Variants in LARP4 observed in about 807,000 individuals in gnomAD.
LARP4 encodes La ribonucleoprotein 4.
Under a neutral mutation model 92.9 loss-of-function variants are expected in LARP4, and 29 were observed. The ratio of observed to expected loss-of-function variants is 0.31; its 90% CI spans 0.23 to 0.43. The LOEUF (loss-of-function observed/expected upper bound fraction) is 0.43. LARP4 is among the 20% of genes least tolerant of loss of function. The probability of loss-of-function intolerance (pLI) is 1.00; values close to 1 mark genes in which losing one functional copy is unlikely to be tolerated. For synonymous variants in LARP4, 279 were observed against 284.1 expected, an observed-to-expected ratio of 0.98 and a Z score of 0.18; for missense variants, 732 against 860.0, an observed-to-expected ratio of 0.85 and a Z score of 1.86.
intron 13 of LARP4, among the ~76,000 whole-genome samples, chr12:50,468,885 A>G (rs1956531373): frequency 6.6e-6 from 1 of 151,918 alleles, no homozygotes; most frequent in Admixed American, 6.6e-5. Context: ...AGACTCAAAC[A>G]TAATATACTA....
chr12:50,426,181 C>T (rs1323369290), intron 1 of LARP4, among the ~76,000 whole-genome samples: 3 of 152,190 alleles, frequency 2.0e-5, no homozygotes, highest in Non-Finnish European at 4.4e-5. Context: ...AGGCTGCTGT[C>T]TCCTTCCCAC....
intron 10 of LARP4, among the ~76,000 whole-genome samples, chr12:50,459,171 G>A (rs1954870491): frequency 1.3e-5 from 2 of 152,036 alleles, no homozygotes; most frequent in Non-Finnish European, 2.9e-5. Context: ...GCTAATTTTT[G>A]TATTTTTAGT....
At chr12:50,422,833 T>TA (rs1235400588) in intron 1 of LARP4, among the ~76,000 whole-genome samples, 2 of 146,156 alleles carry the variant, frequency 1.4e-5, no homozygotes, top group Non-Finnish European at 3.0e-5. Flanking sequence ...TTATTATTAT[T>TA]TTTGAGACGA....
intron 8 of LARP4, among the ~76,000 whole-genome samples, chr12:50,451,876 T>C (rs754769624): frequency 5.3e-5 from 8 of 151,894 alleles, no homozygotes; most frequent in Non-Finnish European, 1.2e-4. Context: ...TGTTGGTGGG[T>C]GCCTCTAATC....
chr12:50,422,495 A>T (rs544786333), intron 1 of LARP4, among the ~76,000 whole-genome samples: 1 of 152,240 alleles, frequency 6.6e-6, no homozygotes, highest in South Asian at 2.1e-4. Context: ...AAATCTTAAA[A>T]TATTTGATGT....
rs1193076150 is a variant in LARP4 at position 50,446,427 on chromosome 12, ATATT to A, written c.804+4786_804+4789del. The stretch of plus-strand genomic sequence containing the variant: ...TCTCTCTCTATATATATATATATAT[ATATT>A]TTTTTTTTTTTTTATAGACGGAGTC... On this transcript the variant is annotated intron_variant, in intron 8 of 15. Coordinates refer to ENST00000398473, the MANE Select transcript of LARP4 (RefSeq NM_052879.5). 1.3e-3 allele frequency among the ~76,000 whole-genome samples: 13 copies of A among 10,368 alleles called. 2 individuals are homozygous for A. In the South Asian group the frequency reaches 0.019, roughly 15 times the overall value. The allele number at this position is 10,368 out of a possible 152,430, so 6.8% of individuals were successfully genotyped here.
chr12:50,463,944 T>C (rs1250171961), intron 12 of LARP4, among the ~76,000 whole-genome samples: 1 of 152,146 alleles, frequency 6.6e-6, no homozygotes, highest in Non-Finnish European at 1.5e-5. Context: ...ATAAGTTTCT[T>C]TCAGAGGATG....
intron 1 of LARP4, chr12:50,402,781 A>C: frequency 2.2e-6 from 1 of 455,806 alleles, no homozygotes; most frequent in Non-Finnish European, 4.4e-6. Flanking sequence ...CATGGACGGG[A>C]TGTTAGCAAT....
chr12:50,405,545 A>T (rs971494664), intron 1 of LARP4, among the ~76,000 whole-genome samples: 1 of 151,536 alleles, frequency 6.6e-6, no homozygotes, highest in African/African-American at 2.4e-5. Flanking sequence ...TCAGTCTCCA[A>T]AGTAGCTGGG....
At chr12:50,471,670 G>C (rs150821665) in intron 13 of LARP4, among the ~76,000 whole-genome samples, 4 of 152,146 alleles carry the variant, frequency 2.6e-5, no homozygotes, top group Admixed American at 2.6e-4. Flanking sequence ...ACAGGCGCGC[G>C]CCACCATGCC....
chr12:50,461,054 G>C, intron 10 of LARP4, 81 bp from the exon 11 acceptor site: 1 of 1,132,398 alleles, frequency 8.8e-7, no homozygotes, highest in Non-Finnish European at 1.3e-6. Context: ...CAGTACAACA[G>C]GAGCCAATTT....
chr12:50,469,014 T>C (rs1246477527), intron 13 of LARP4, among the ~76,000 whole-genome samples: 1 of 152,134 alleles, frequency 6.6e-6, no homozygotes, highest in African/African-American at 2.4e-5. Context: ...TCCCCCTTTT[T>C]TTCTCACTCT....
intron 13 of LARP4, among the ~76,000 whole-genome samples, chr12:50,470,452 A>G (rs2139064381): frequency 6.7e-6 from 1 of 149,010 alleles, no homozygotes. Context: ...TTTTTTTTTG[A>G]GATGGAGTTT....
chr12:50,441,729 T>G (rs1951234892), intron 8 of LARP4, 86 bp downstream of exon 8: 1 of 1,101,106 alleles, frequency 9.1e-7, no homozygotes, highest in Non-Finnish European at 1.3e-6. Context: ...TAATATTTTA[T>G]AAAAACCCAT....
intron 13 of LARP4, 151 bp from the exon 14 acceptor site, chr12:50,473,264 T>A (rs1957137121): frequency 1.7e-6 from 1 of 584,306 alleles, no homozygotes; most frequent in Admixed American, 3.0e-5. Context: ...ATAACCATCC[T>A]TGTGGGTATG....
At chr12:50,439,813 G>A (rs575654640) in intron 6 of LARP4, among the ~76,000 whole-genome samples, 106 of 151,688 alleles carry the variant, frequency 7.0e-4, no homozygotes, top group African/African-American at 2.5e-3. Context: ...TCCATTAACA[G>A]TTTTACCATT....
intron 8 of LARP4, 84 bp downstream of exon 8, chr12:50,441,727 T>G: frequency 8.9e-7 from 1 of 1,122,320 alleles, no homozygotes; most frequent in South Asian, 1.4e-5. Flanking sequence ...GATAATATTT[T>G]ATAAAAACCC....
chr12:50,418,378 A>G (rs1022551349), intron 1 of LARP4, among the ~76,000 whole-genome samples: 1 of 152,218 alleles, frequency 6.6e-6, no homozygotes, highest in African/African-American at 2.4e-5. Flanking sequence ...TTTTTCTGTT[A>G]TACCATAATT....
rs1957252034 is a variant in LARP4, at chr12:50,473,931, T to G, written c.1668-68T>G. The G allele has an allele frequency of 1.0e-5, 14 of 1,381,278 alleles. 1 individual carries two copies. The Admixed American group carries it at 2.9e-4, about 28-fold the overall frequency. The allele number at this position is 1,381,278 out of a possible 1,614,324, so 85.6% of individuals were successfully genotyped here. A position where few individuals can be genotyped will look rare whatever the true frequency, so the allele number is the denominator to read the frequency against. The stretch of plus-strand genomic sequence containing the variant: ...TCTCAAAAAAAAAAATTACGTTTTC[T>G]TCTGATTAGTTGCTCAACTGTTCCT... On this transcript the variant is annotated intron_variant, in intron 14 of 15. Coordinates refer to ENST00000398473, the MANE Select transcript of LARP4 (RefSeq NM_052879.5).
Sources: allele counts gnomAD v4.1 joint callset (sites outside exome capture counted in the v4.1 genomes callset), GRCh38; gene constraint gnomAD v4.1.1; transcripts MANE v1.5; gene names NCBI Gene and HGNC (gene_info 2026-07-23, HGNC 2026-07-21).